SNTG1: variants seen among roughly 807,000 people sequenced by gnomAD.
SNTG1 encodes the protein syntrophin gamma 1.
SNTG1 carries 39 observed loss-of-function variants against 74.7 expected under a neutral mutation model. That is an observed-to-expected ratio of 0.52 (90% CI 0.40 to 0.68). The LOEUF is 0.68. Among genes scored for constraint, SNTG1 ranks in the 30% least tolerant of loss-of-function variants. The pLI is 0.00. For synonymous variants in SNTG1, 254 were observed against 217.1 expected (o/e 1.17, Z -1.49); for missense variants, 685 against 609.5 (o/e 1.12, Z -1.30).
chr8:50,606,684 A>C (rs1477049013), intron 13 of SNTG1, among the ~76,000 whole-genome samples: 2 of 152,010 alleles, frequency 1.3e-5, no homozygotes, highest in African/African-American at 2.4e-5. Flanking sequence ...TTCAACATTA[A>C]ATATGTTAAT....
chr8:50,068,944 G>A (rs1200570727), intron 1 of SNTG1, among the ~76,000 whole-genome samples: 1 of 152,112 alleles, frequency 6.6e-6, no homozygotes, highest in Non-Finnish European at 1.5e-5. Context: ...AAGCTATCAT[G>A]TCTGATCTCT....
chr8:50,568,579 A>G (rs994484545), intron 12 of SNTG1, among the ~76,000 whole-genome samples: 11 of 152,070 alleles, frequency 7.2e-5, no homozygotes, highest in African/African-American at 2.2e-4. Flanking sequence ...TATTTCTCTG[A>G]TGATTAGTAA....
intron 1 of SNTG1, among the ~76,000 whole-genome samples, chr8:49,963,524 C>T (rs910422044): frequency 2.0e-5 from 3 of 152,224 alleles, no homozygotes; most frequent in Middle Eastern, 3.4e-3. Flanking sequence ...ATGTAGTATG[C>T]TCTCCAATAA....
chr8:50,672,366 T>A (rs1156915226), intron 15 of SNTG1, among the ~76,000 whole-genome samples: 1 of 152,132 alleles, frequency 6.6e-6, no homozygotes, highest in Non-Finnish European at 1.5e-5. Flanking sequence ...AACTTTTTAA[T>A]AATCACCATT....
intron 1 of SNTG1, among the ~76,000 whole-genome samples, chr8:50,024,043 C>T (rs1041215173): frequency 6.6e-6 from 1 of 152,204 alleles, no homozygotes. Context: ...TCAGTAGCTC[C>T]AGGATGGGAA....
At position 50,122,311 on chromosome 8, in the gene SNTG1, A is replaced by G. The variant is rs538471834; in HGVS notation, c.-102-50250A>G. On this transcript the variant is annotated intron_variant, in intron 1 of 18. Transcript: ENST00000642720. ...ACTACTCCCTTATTCCCAGCAGAAG[A>G]CTTCACTTTTCTTATGCACTTGGAG... is the stretch of plus-strand genomic sequence containing the variant. Among the ~76,000 whole-genome samples the G allele has an allele frequency of 2.1e-5, 3 of 142,398 alleles. No individual in the cohort carries two copies. In the East Asian group the frequency reaches 6.0e-4, roughly 29 times the overall value. 93.4% of individuals were successfully genotyped at this position (142,398 alleles called of 152,430 possible).
At chr8:50,090,356 G>T (rs982364530) in intron 1 of SNTG1, among the ~76,000 whole-genome samples, 1 of 152,128 alleles carries the variant, frequency 6.6e-6, no homozygotes, top group African/African-American at 2.4e-5. Context: ...GACATCCCTG[G>T]ATGCAGTTTC....
intron 12 of SNTG1, among the ~76,000 whole-genome samples, chr8:50,579,379 G>A (rs968524518): frequency 1.3e-5 from 2 of 152,184 alleles, no homozygotes; most frequent in African/African-American, 2.4e-5. Flanking sequence ...ATGGAAAAGA[G>A]AACCCCGTTT....
chr8:50,714,138 T>C (rs1470691265), intron 17 of SNTG1, among the ~76,000 whole-genome samples: 1 of 151,990 alleles, frequency 6.6e-6, no homozygotes, highest in East Asian at 1.9e-4. Context: ...AAAGATCAAA[T>C]GACTGTAGAT....
intron 2 of SNTG1, among the ~76,000 whole-genome samples, chr8:50,275,551 T>G (rs949111491): frequency 6.6e-6 from 1 of 152,198 alleles, no homozygotes; most frequent in Non-Finnish European, 1.5e-5. Flanking sequence ...TCACAAGTAG[T>G]GCAGGTAACT....
chr8:50,486,355 G>C (rs931994405), intron 8 of SNTG1, among the ~76,000 whole-genome samples: 2 of 144,764 alleles, frequency 1.4e-5, no homozygotes, highest in Non-Finnish European at 3.0e-5. Flanking sequence ...TCCTTGAAGA[G>C]GTCCTTCACA....
intron 18 of SNTG1, chr8:50,762,687 C>A: frequency 2.1e-6 from 1 of 476,082 alleles, no homozygotes; most frequent in Non-Finnish European, 4.2e-6. Context: ...GTCTTCTACC[C>A]GAAGAGACCA....
chr8:50,120,338 C>T lies in SNTG1; in HGVS notation c.-102-52223C>T, dbSNP rs185686353. Among the ~76,000 whole-genome samples, 8 of 140,068 alleles carry T rather than the reference C, an allele frequency of 5.7e-5. 1 individual carries two copies. The highest frequency in any genetic ancestry group is 9.5e-5 in the Non-Finnish European group (6 of 63,156). The allele number at this position is 140,068 out of a possible 152,430, so 91.9% of individuals were successfully genotyped here. A position where few individuals can be genotyped will look rare whatever the true frequency, so the allele number is the denominator to read the frequency against. On this transcript the variant is annotated intron_variant, in intron 1 of 18. Transcript: ENST00000642720. ...ACTACTGAAACTACCAGTGTTACTACGATCACGACTACTGCCACTAATACT... is the reference window on the plus strand; with the variant it reads ...ACTACTGAAACTACCAGTGTTACTATGATCACGACTACTGCCACTAATACT...
chr8:49,969,400 T>A (rs1160457988), intron 1 of SNTG1, among the ~76,000 whole-genome samples: 5 of 137,524 alleles, frequency 3.6e-5, no homozygotes, highest in Non-Finnish European at 4.7e-5. Context: ...TTTTTTTTTT[T>A]TTTTTTTTTT....
At chr8:50,195,233 A>C (rs2083720564) in intron 2 of SNTG1, among the ~76,000 whole-genome samples, 2 of 152,098 alleles carry the variant, frequency 1.3e-5, no homozygotes, top group South Asian at 4.2e-4. Flanking sequence ...GAAAGCCAGC[A>C]GTCACAGGCC....
At chr8:50,214,481 C>T (rs1240451717) in intron 2 of SNTG1, among the ~76,000 whole-genome samples, 1 of 151,832 alleles carries the variant, frequency 6.6e-6, no homozygotes, top group East Asian at 1.9e-4. Context: ...TTTATGTGGA[C>T]CAGTAAAATA....
intron 18 of SNTG1, among the ~76,000 whole-genome samples, chr8:50,758,526 T>C (rs993127465): frequency 2.0e-5 from 3 of 152,032 alleles, no homozygotes; most frequent in African/African-American, 7.2e-5. Context: ...CCTGTGTCCA[T>C]GCGTTCTCAT....
chr8:50,294,221 TA>T (rs1426309180), intron 2 of SNTG1, among the ~76,000 whole-genome samples: 1 of 152,138 alleles, frequency 6.6e-6, no homozygotes, highest in African/African-American at 2.4e-5. Context: ...CTGCGACAAG[TA>T]AAAATGTCAA....
intron 1 of SNTG1, among the ~76,000 whole-genome samples, chr8:50,054,518 A>T (rs1819861125): frequency 6.6e-6 from 1 of 151,904 alleles, no homozygotes; most frequent in African/African-American, 2.4e-5. Flanking sequence ...AACTCTTTCC[A>T]TCTTTGTTCC....
Sources: allele counts gnomAD v4.1 joint callset (sites outside exome capture counted in the v4.1 genomes callset), GRCh38; gene constraint gnomAD v4.1.1; transcripts MANE v1.5; gene names NCBI Gene and HGNC (gene_info 2026-07-23, HGNC 2026-07-21).